Variants in ABCC12 observed in about 807,000 individuals in gnomAD.
ABCC12 encodes the protein ATP-binding cassette sub-family C member 12.
Under a neutral mutation model 151.1 loss-of-function variants are expected in ABCC12, and 142 were observed. The ratio of observed to expected loss-of-function variants is 0.94; its 90% confidence interval spans 0.82 to 1.08. The LOEUF (loss-of-function observed/expected upper bound fraction) is 1.08. Ranked by LOEUF, ABCC12 falls within the 50% of genes least tolerant of loss-of-function variation. The pLI is 0.00. For missense variants in ABCC12, 1,638 were observed against 1,691.1 expected (o/e 0.97, Z 0.55); for synonymous variants, 645 against 646.4 (o/e 1.00, Z 0.03).
intron 10 of ABCC12, 141 bp downstream of exon 10, chr16:48,130,647 T>G (rs1264892209): frequency 1.6e-6 from 1 of 634,568 alleles, no homozygotes; most frequent in East Asian, 2.7e-5. Flanking sequence ...TTCATCTAAC[T>G]CTGAATGGAT....
In ABCC12 at chr16:48,140,727, A is replaced by G. The variant is rs746806451; in HGVS notation, c.617T>C (p.Leu206Pro). The G allele has an allele frequency of 2.6e-5, 42 of 1,614,130 alleles. No homozygotes were observed. Among genetic ancestry groups the G allele is most frequent in the Non-Finnish European group, 3.3e-5 (39 of 1,180,052 alleles). ...VALSTLVFENLVSFKTLTHIS... is the reference protein window; with the variant it reads ...VALSTLVFENPVSFKTLTHIS... ...GTGGGTCAATGTCTTGAAGGACACTAGGTTTTCAAAAACCAAGGTGGAGAG... is the reference window on the plus strand; with the variant it reads ...GTGGGTCAATGTCTTGAAGGACACTGGGTTTTCAAAAACCAAGGTGGAGAG... The change falls in exon 6 of 31, where the codon CTA becomes CCA. Residue 206 changes from leucine (L) to proline (P), a missense_variant. Transcript: ENST00000311303.
Position 48,104,127 on chromosome 16 carries a change from AGCACATGG to A in ABCC12, c.2900+7_2900+14del, listed in dbSNP as rs1458874763. The A allele has an allele frequency of 6.8e-6, 11 of 1,610,878 alleles. No individual in the cohort carries two copies. In the African/African-American group the frequency reaches 1.5e-4, roughly 22 times the overall value. ...GTGTGTATCGTTTTCTCGTGTAAAT[AGCACATGG>A]GCCTACCGTAACAGAATGAAGAAGC... On this transcript the variant is annotated splice_region_variant and intron_variant, in intron 22 of 30. Coordinates refer to ENST00000311303, the MANE Select transcript of ABCC12 (RefSeq NM_001393797.1).
Position 48,090,583 on chromosome 16 carries a change from G to A in ABCC12, c.3285+537C>T, listed in dbSNP as rs1962837731. Among the ~76,000 whole-genome samples, 3 of 151,986 alleles carry A rather than the reference G, an allele frequency of 2.0e-5. No homozygotes were observed. In the South Asian group the frequency reaches 6.2e-4, roughly 32 times the overall value. ...AGAAACCAAAGTAAGCCACTGAATT[G>A]TATTTTTCTGTGTATCAAAACAGCC... On this transcript the variant is annotated intron_variant, in intron 25 of 30. Coordinates refer to ENST00000311303, the MANE Select transcript of ABCC12 (RefSeq NM_001393797.1).
At chr16:48,139,580 A>G (rs1030345450) in intron 6 of ABCC12, among the ~76,000 whole-genome samples, 1 of 152,122 alleles carries the variant, frequency 6.6e-6, no homozygotes, top group Non-Finnish European at 1.5e-5. Flanking sequence ...ACCATCTGGG[A>G]GCATGCTGGA....
chr16:48,125,045 T>C (rs966021469), intron 11 of ABCC12, among the ~76,000 whole-genome samples: 1 of 152,172 alleles, frequency 6.6e-6, no homozygotes, highest in Non-Finnish European at 1.5e-5. Flanking sequence ...AGGAAAGCCT[T>C]ACTGGAAAGG....
At chr16:48,113,377 C>T (rs530508166) in intron 15 of ABCC12, among the ~76,000 whole-genome samples, 1 of 152,228 alleles carries the variant, frequency 6.6e-6, no homozygotes, top group Non-Finnish European at 1.5e-5. Context: ...ACAGCACACG[C>T]TCCAGCTCCA....
At chr16:48,102,326 C>T in intron 22 of ABCC12, among the ~76,000 whole-genome samples, 1 of 152,252 alleles carries the variant, frequency 6.6e-6, no homozygotes, top group East Asian at 1.9e-4. Flanking sequence ...AATGGGAAAC[C>T]TCTAGAGGGT....
Position 48,133,844 on chromosome 16 carries a change from T to C in ABCC12, c.980-9A>G, listed in dbSNP as rs968740608. On this transcript the variant is annotated splice_polypyrimidine_tract_variant and intron_variant, in intron 8 of 30. Coordinates refer to ENST00000311303, the MANE Select transcript of ABCC12 (RefSeq NM_001393797.1). ...TTCCCTCCTTCTTATATCTGCAAAATAGAACACAGTCCAAGGTGGTCTCAT... is the reference window on the plus strand; with the variant it reads ...TTCCCTCCTTCTTATATCTGCAAAACAGAACACAGTCCAAGGTGGTCTCAT... 26 of 1,614,008 alleles carry C rather than the reference T, an allele frequency of 1.6e-5. No individual in the cohort carries two copies. Among genetic ancestry groups the C allele is most frequent in the African/African-American group, 4.0e-5 (3 of 74,922 alleles).
Position 48,141,262 on chromosome 16 carries a change from C to G in ABCC12, c.367G>C (p.Val123Leu), listed in dbSNP as rs370067333. 2.5e-6 allele frequency: 4 copies of G among 1,614,226 alleles called. No homozygotes were observed. The highest frequency in any genetic ancestry group is 3.4e-6 in the Non-Finnish European group (4 of 1,180,044). ...HVVWKFQRTR[V>L]LMDIVANILC... The stretch of plus-strand genomic sequence containing the variant: ...ATGTTGGCCACGATGTCCATCAACA[C>G]GCGTGTCCTCTGGAATTTCCACACC... The change falls in exon 5 of 31, where the codon GTG becomes CTG. Residue 123 changes from valine to leucine, a missense_variant. By Grantham distance (32) the Val-to-Leu change is conservative. Transcript: ENST00000311303.
At chr16:48,123,472 TC>T (rs1964138690) in intron 12 of ABCC12, among the ~76,000 whole-genome samples, 1 of 151,694 alleles carries the variant, frequency 6.6e-6, no homozygotes, top group African/African-American at 2.4e-5. Context: ...ATAAGACACA[TC>T]CCCCCACCAC....
At chr16:48,124,172 T>G in intron 12 of ABCC12, 41 bp downstream of exon 12, 1 of 1,596,714 alleles carries the variant, frequency 6.3e-7, no homozygotes, top group South Asian at 1.1e-5. Flanking sequence ...TTCATTGTCA[T>G]GTTAATGTTC....
At chr16:48,146,756 T>G (rs1380467127) in intron 2 of ABCC12, 1 of 246,730 alleles carries the variant, frequency 4.1e-6, no homozygotes, top group Admixed American at 5.0e-5. Context: ...TGGGAGCCGG[T>G]CCAATGACCA....
chr16:48,106,917 A>T (rs552330168), intron 20 of ABCC12, among the ~76,000 whole-genome samples: 1 of 152,312 alleles, frequency 6.6e-6, no homozygotes, highest in Admixed American at 6.5e-5. Context: ...GAGCAGAGAC[A>T]CGTGGGACCT....
chr16:48,145,511 A>G (rs1964967773), intron 3 of ABCC12, among the ~76,000 whole-genome samples: 1 of 152,204 alleles, frequency 6.6e-6, no homozygotes, highest in South Asian at 2.1e-4. Context: ...CATTCCATCA[A>G]AAAGTCGAGT....
chr16:48,124,949 G>A (rs1157529496), intron 11 of ABCC12, among the ~76,000 whole-genome samples: 1 of 152,196 alleles, frequency 6.6e-6, no homozygotes, highest in East Asian at 1.9e-4. Flanking sequence ...ATGTGGGGCA[G>A]GCACATCTAT....
At chr16:48,150,824 C>T (rs2150686371) in intron 2 of ABCC12, among the ~76,000 whole-genome samples, 1 of 152,242 alleles carries the variant, frequency 6.6e-6, no homozygotes, top group Non-Finnish European at 1.5e-5. Flanking sequence ...CCGTCCATAT[C>T]TATTTTAAGC....
intron 6 of ABCC12, among the ~76,000 whole-genome samples, chr16:48,139,932 G>T (rs1364907994): frequency 6.6e-6 from 1 of 152,196 alleles, no homozygotes; most frequent in Non-Finnish European, 1.5e-5. Flanking sequence ...CATGTGCAAA[G>T]ACAGTGATAA....
chr16:48,120,244 A>G (rs1964020854), intron 13 of ABCC12, among the ~76,000 whole-genome samples: 1 of 152,214 alleles, frequency 6.6e-6, no homozygotes, highest in Non-Finnish European at 1.5e-5. Flanking sequence ...ACATGTTCTC[A>G]TTTATACATG....
At chr16:48,119,023 A>G (rs538450995) in intron 13 of ABCC12, among the ~76,000 whole-genome samples, 20 of 152,196 alleles carry the variant, frequency 1.3e-4, no homozygotes, top group Non-Finnish European at 2.8e-4. Flanking sequence ...TCTGACTCAG[A>G]CTGCGCAGCA....
Sources: allele counts gnomAD v4.1 joint callset (sites outside exome capture counted in the v4.1 genomes callset), GRCh38; gene constraint gnomAD v4.1.1; transcripts MANE v1.5; gene names NCBI Gene and HGNC (gene_info 2026-07-23, HGNC 2026-07-21).